NTN4: variants seen among roughly 807,000 people sequenced by gnomAD.
NTN4 encodes the protein netrin 4, also known as netrin-4.
Under a neutral mutation model 73.6 loss-of-function variants are expected in NTN4, and 32 were observed. The observed-to-expected ratio is 0.44, with a 90% CI of 0.33 to 0.58. The LOEUF (loss-of-function observed/expected upper bound fraction) is 0.58, where lower values mean the gene tolerates loss of function less well. Ranked by LOEUF, NTN4 falls within the 20% of genes least tolerant of loss-of-function variation. The pLI is 0.04. For synonymous variants in NTN4, 258 were observed against 287.5 expected, an observed-to-expected ratio of 0.90 and a Z score of 1.04; for missense variants, 654 against 798.3, an observed-to-expected ratio of 0.82 and a Z score of 2.18.
At chr12:95,773,248 C>T (rs1243366879) in intron 2 of NTN4, among the ~76,000 whole-genome samples, 1 of 152,150 alleles carries the variant, frequency 6.6e-6, no homozygotes, top group East Asian at 1.9e-4. Context: ...AGGTGATTCA[C>T]CAGCCTCGGC....
In NTN4 at chr12:95,678,500, TTAGAAA is replaced by T. The variant is rs549896285; in HGVS notation, c.1510+4201_1510+4206del. On this transcript the variant is annotated intron_variant, in intron 7 of 9. Coordinates refer to ENST00000343702, the MANE Select transcript of NTN4 (RefSeq NM_021229.4). ...AAAGCAAAACTCATTAACGATAAAA[TTAGAAA>T]TAGAAGAGAATGACATTTACTTGAT... Among the ~76,000 whole-genome samples, 150 of 152,074 alleles carry T rather than the reference TTAGAAA, an allele frequency of 9.9e-4. 1 individual carries two copies. Among genetic ancestry groups the T allele is most frequent in the African/African-American group, 3.5e-3 (145 of 41,472 alleles).
chr12:95,768,789 G>C (rs1487993615), intron 2 of NTN4, among the ~76,000 whole-genome samples: 2 of 152,172 alleles, frequency 1.3e-5, no homozygotes, highest in Non-Finnish European at 2.9e-5. Flanking sequence ...AGAGTGGTTT[G>C]CTCTAAGATA....
At chr12:95,736,778 T>C (rs987658838) in intron 3 of NTN4, among the ~76,000 whole-genome samples, 1 of 152,252 alleles carries the variant, frequency 6.6e-6, no homozygotes, top group African/African-American at 2.4e-5. Context: ...TTTTGGTTAC[T>C]TTCTGGCTAC....
chr12:95,703,591 C>A (rs189280816), intron 5 of NTN4, among the ~76,000 whole-genome samples: 237 of 152,190 alleles, frequency 1.6e-3, no homozygotes, highest in African/African-American at 5.4e-3. Context: ...AGTGAAGAAA[C>A]CTTTGATTAA....
intron 2 of NTN4, among the ~76,000 whole-genome samples, chr12:95,786,554 T>C (rs1022872671): frequency 5.9e-5 from 9 of 152,208 alleles, no homozygotes; most frequent in African/African-American, 2.2e-4. Context: ...TTCCTATTTA[T>C]ATTAACACTA....
chr12:95,694,662 T>C (rs538081455), intron 5 of NTN4, among the ~76,000 whole-genome samples: 3 of 152,256 alleles, frequency 2.0e-5, no homozygotes, highest in East Asian at 1.9e-4. Flanking sequence ...TGCTAGTGGA[T>C]GAAAAGCTAT....
intron 8 of NTN4, among the ~76,000 whole-genome samples, chr12:95,667,320 A>G (rs1237919985): frequency 6.6e-6 from 1 of 151,566 alleles, no homozygotes; most frequent in Non-Finnish European, 1.5e-5. Context: ...CCTCCCGAGT[A>G]GCTGGGATTA....
rs563468485 is a variant in NTN4 at position 95,749,783 on chromosome 12, C to T, written c.586-11639G>A. ...ACCCCAACCCCTTCTCTCCTTGTCTCTACCCCTTCTCTGCTTTTCTGGGGG... is the reference window on the plus strand; with the variant it reads ...ACCCCAACCCCTTCTCTCCTTGTCTTTACCCCTTCTCTGCTTTTCTGGGGG... On this transcript the variant is annotated intron_variant, in intron 2 of 9. Transcript: ENST00000343702. Among the ~76,000 whole-genome samples the T allele has an allele frequency of 2.2e-4, 32 of 148,760 alleles. No individual in the cohort carries two copies. The East Asian group carries it at 2.4e-3, about 11-fold the overall frequency.
intron 8 of NTN4, among the ~76,000 whole-genome samples, chr12:95,669,077 A>G (rs1166131218): frequency 6.6e-6 from 1 of 152,128 alleles, no homozygotes; most frequent in Admixed American, 6.6e-5. Context: ...GCGTGGTGGC[A>G]TATGCCTGTA....
intron 5 of NTN4, among the ~76,000 whole-genome samples, chr12:95,704,230 T>G (rs1220384396): frequency 6.6e-6 from 1 of 152,186 alleles, no homozygotes; most frequent in Non-Finnish European, 1.5e-5. Context: ...TCTGCCTTGG[T>G]AAGCTCAGTA....
At chr12:95,663,669 G>T (rs1423996033) in intron 9 of NTN4, 2 of 152,262 alleles carry the variant, frequency 1.3e-5, no homozygotes, top group Non-Finnish European at 2.9e-5. Flanking sequence ...AAATGAAAGA[G>T]TGTCTGGTTT....
chr12:95,769,408 A>T (rs1268413689), intron 2 of NTN4, among the ~76,000 whole-genome samples: 3 of 152,164 alleles, frequency 2.0e-5, no homozygotes, highest in Non-Finnish European at 4.4e-5. Flanking sequence ...CATAAGTTGG[A>T]GTCTTAAAAG....
At chr12:95,729,626 A>G (rs1486068025) in intron 3 of NTN4, among the ~76,000 whole-genome samples, 1 of 122,518 alleles carries the variant, frequency 8.2e-6, no homozygotes, top group Non-Finnish European at 1.7e-5. Flanking sequence ...AGAGAGAGAG[A>G]GAGAGAGTGT....
chr12:95,765,704 A>C (rs2079016764), intron 2 of NTN4, among the ~76,000 whole-genome samples: 1 of 152,206 alleles, frequency 6.6e-6, no homozygotes, highest in African/African-American at 2.4e-5. Flanking sequence ...CCAAAAGTCT[A>C]CTTCACTAAT....
chr12:95,764,709 G>T (rs2079009423), intron 2 of NTN4, among the ~76,000 whole-genome samples: 1 of 143,088 alleles, frequency 7.0e-6, no homozygotes, highest in Non-Finnish European at 1.5e-5. Flanking sequence ...AAAAGCACCA[G>T]AAATAATACA....
intron 9 of NTN4, among the ~76,000 whole-genome samples, chr12:95,661,842 G>A (rs2078139809): frequency 3.4e-5 from 1 of 29,576 alleles, no homozygotes. Flanking sequence ...AACTGTGCTA[G>A]AATAAAAAAA....
At chr12:95,740,362 T>A (rs2078814995) in intron 2 of NTN4, among the ~76,000 whole-genome samples, 1 of 152,168 alleles carries the variant, frequency 6.6e-6, no homozygotes, top group Non-Finnish European at 1.5e-5. Context: ...CAGGATAGTA[T>A]CAGCCTCTTC....
intron 3 of NTN4, among the ~76,000 whole-genome samples, chr12:95,729,433 A>G (rs2078719711): frequency 6.6e-6 from 1 of 152,108 alleles, no homozygotes; most frequent in African/African-American, 2.4e-5. Flanking sequence ...GCCCTTTTAT[A>G]TCCCTATATG....
In NTN4 at chr12:95,790,115, G is replaced by A. The variant is rs2079197278; in HGVS notation, c.55+140C>T. On this transcript the variant is annotated intron_variant, in intron 1 of 9. Coordinates refer to ENST00000343702, the MANE Select transcript of NTN4 (RefSeq NM_021229.4). The surrounding 1 kb of genome is among the most constrained non-coding windows in gnomAD (Gnocchi z 6.5). ...AAACTGCGGAGCCCCGGGGAAAGGA[G>A]GCGGAACATGGCCACTCATTTCACC... 1.6e-6 allele frequency: 1 copy of A among 617,140 alleles called. No homozygotes were observed. The highest frequency in any genetic ancestry group is 2.7e-6 in the Non-Finnish European group (1 of 374,320). The allele number at this position is 617,140 out of a possible 1,614,324, so 38.2% of individuals were successfully genotyped here.
Sources: allele counts gnomAD v4.1 joint callset (sites outside exome capture counted in the v4.1 genomes callset), GRCh38; gene constraint gnomAD v4.1.1; non-coding constraint Gnocchi (gnomAD v3.1); transcripts MANE v1.5; gene names NCBI Gene and HGNC (gene_info 2026-07-23, HGNC 2026-07-21).